The following RASAL2 variants were observed in gnomAD, a reference collection of about 807,000 sequenced individuals.
RASAL2 encodes RAS protein activator like 2, also known as ras GTPase-activating protein nGAP.
RASAL2 carries 58 observed loss-of-function variants against 128.9 expected under a neutral mutation model. The observed-to-expected ratio is 0.45, with a 90% CI of 0.36 to 0.56. The LOEUF is 0.56. Among genes scored for constraint, RASAL2 ranks in the 20% least tolerant of loss-of-function variants. RASAL2 has a pLI of 0.00. For missense variants in RASAL2, 1,360 were observed against 1,601.6 expected (o/e 0.85, Z 2.57); for synonymous variants, 561 against 580.8 (o/e 0.97, Z 0.49).
At chr1:178,335,650 G>C (rs1405746210) in intron 3 of RASAL2, among the ~76,000 whole-genome samples, 1 of 152,136 alleles carries the variant, frequency 6.6e-6, no homozygotes, top group Admixed American at 6.5e-5. Flanking sequence ...TACACACAAT[G>C]ATCATTTTCA....
chr1:178,240,464 C>T (rs1664450472), intron 1 of RASAL2, among the ~76,000 whole-genome samples: 1 of 151,756 alleles, frequency 6.6e-6, no homozygotes, highest in African/African-American at 2.4e-5. Flanking sequence ...TTATTTTTAT[C>T]CAGTTTTTTT....
rs148244230 is a variant in RASAL2 at position 178,426,962 on chromosome 1, A to G, written c.674+6342A>G. On this transcript the variant is annotated intron_variant, in intron 5 of 17. Coordinates refer to ENST00000367649, the MANE Select transcript of RASAL2 (RefSeq NM_170692.4). Reference sequence around the variant, plus strand: ...ACTAAGTCTGAGAGACCAGTTAACAAAAAGCTGTAAGAAGATATAATGAGG... The same window carrying G: ...ACTAAGTCTGAGAGACCAGTTAACAGAAAGCTGTAAGAAGATATAATGAGG... Among the ~76,000 whole-genome samples the G allele has an allele frequency of 5.6e-3, 851 of 152,268 alleles. 6 individuals carry two copies. Among genetic ancestry groups the G allele is most frequent in the African/African-American group, 0.019 (793 of 41,572 alleles).
chr1:178,419,277 T>G (rs1051955274), intron 4 of RASAL2, among the ~76,000 whole-genome samples: 2 of 152,114 alleles, frequency 1.3e-5, no homozygotes, highest in African/African-American at 4.8e-5. Flanking sequence ...TGTTTTATTT[T>G]ATTTATTTGT....
intron 3 of RASAL2, among the ~76,000 whole-genome samples, chr1:178,305,376 T>A (rs1173115054): frequency 6.6e-6 from 1 of 152,054 alleles, no homozygotes; most frequent in African/African-American, 2.4e-5. Context: ...ACTAGAGGAA[T>A]CACATTACCT....
At chr1:178,250,179 C>T (rs1351084686) in intron 1 of RASAL2, among the ~76,000 whole-genome samples, 5 of 152,164 alleles carry the variant, frequency 3.3e-5, no homozygotes, top group East Asian at 3.9e-4. Context: ...CGCCCACAGC[C>T]GCCCCTTCCC....
intron 1 of RASAL2, among the ~76,000 whole-genome samples, chr1:178,226,336 G>C (rs1352743000): frequency 6.6e-6 from 1 of 152,080 alleles, no homozygotes; most frequent in Non-Finnish European, 1.5e-5. Flanking sequence ...GCTTCTTGTT[G>C]TTCTGATTAA....
At chr1:178,198,994 G>GA (rs776407078) in intron 1 of RASAL2, among the ~76,000 whole-genome samples, 7 of 152,208 alleles carry the variant, frequency 4.6e-5, no homozygotes, top group Non-Finnish European at 8.8e-5. Context: ...GTTCCTGGCC[G>GA]CTTTGTTTAC....
At chr1:178,240,276 A>G (rs1182224794) in intron 1 of RASAL2, among the ~76,000 whole-genome samples, 1 of 152,080 alleles carries the variant, frequency 6.6e-6, no homozygotes, top group Admixed American at 6.6e-5. Flanking sequence ...TAGTCCCTAG[A>G]TGTAGACAGT....
rs568788102 is a variant in RASAL2, at chr1:178,112,099, C to G, written c.202+17405C>G. Among the ~76,000 whole-genome samples the G allele has an allele frequency of 4.1e-4, 62 of 152,114 alleles. 1 individual carries two copies. Among genetic ancestry groups the G allele is most frequent in the African/African-American group, 1.5e-3 (62 of 41,500 alleles). On this transcript the variant is annotated intron_variant, in intron 1 of 17. Transcript: ENST00000367649. ...AGTCCTCATATATTTTGGATATGTCCTTTGTCAGATATGTGATCTGTAATT... is the reference window on the plus strand; with the variant it reads ...AGTCCTCATATATTTTGGATATGTCGTTTGTCAGATATGTGATCTGTAATT...
At chr1:178,285,332 G>C (rs1666976055) in intron 2 of RASAL2, among the ~76,000 whole-genome samples, 1 of 151,378 alleles carries the variant, frequency 6.6e-6, no homozygotes, top group African/African-American at 2.4e-5. Flanking sequence ...TTGTTAGCCA[G>C]GATGGTCTCG....
chr1:178,303,101 C>A (rs1667839965), intron 3 of RASAL2, among the ~76,000 whole-genome samples: 2 of 151,906 alleles, frequency 1.3e-5, no homozygotes, highest in South Asian at 4.2e-4. Flanking sequence ...TGAAGTTATC[C>A]CATATATAAG....
intron 3 of RASAL2, among the ~76,000 whole-genome samples, chr1:178,349,757 A>T (rs1670360874): frequency 6.6e-6 from 1 of 152,174 alleles, no homozygotes; most frequent in Non-Finnish European, 1.5e-5. Flanking sequence ...AATTTTCCAT[A>T]CTTTGGCTTT....
At chr1:178,222,339 A>G (rs1177398517) in intron 1 of RASAL2, among the ~76,000 whole-genome samples, 4 of 151,726 alleles carry the variant, frequency 2.6e-5, no homozygotes, top group Admixed American at 1.3e-4. Flanking sequence ...CCCATTTTCT[A>G]CATTTTCTGG....
intron 1 of RASAL2, among the ~76,000 whole-genome samples, chr1:178,105,686 C>CT (rs71108025): frequency 0.015 from 2,064 of 140,674 alleles, 19 homozygotes; most frequent in Non-Finnish European, 0.023. Context: ...TTTTGGGGTT[C>CT]TTTTTTTTTT....
intron 1 of RASAL2, among the ~76,000 whole-genome samples, chr1:178,188,581 A>C (rs1261252646): frequency 1.3e-5 from 2 of 152,158 alleles, no homozygotes; most frequent in African/African-American, 4.8e-5. Context: ...TTACATCACC[A>C]AAAAGTCTGC....
intron 3 of RASAL2, among the ~76,000 whole-genome samples, chr1:178,374,977 A>C (rs1180691790): frequency 1.3e-5 from 2 of 152,182 alleles, no homozygotes; most frequent in East Asian, 3.8e-4. Context: ...AGAAAACATG[A>C]ACTACGCACA....
At chr1:178,385,178 G>A (rs1393695159) in intron 3 of RASAL2, among the ~76,000 whole-genome samples, 2 of 152,180 alleles carry the variant, frequency 1.3e-5, no homozygotes, top group African/African-American at 4.8e-5. Flanking sequence ...TTGACCTGGT[G>A]GAGTTGGCTC....
intron 2 of RASAL2, among the ~76,000 whole-genome samples, chr1:178,287,364 T>C (rs1667076540): frequency 6.6e-6 from 1 of 151,900 alleles, no homozygotes; most frequent in Non-Finnish European, 1.5e-5. Flanking sequence ...CTTCACATTC[T>C]ATCTGTGGTA....
chr1:178,244,275 C>G (rs1004640203), intron 1 of RASAL2, among the ~76,000 whole-genome samples: 4 of 152,018 alleles, frequency 2.6e-5, no homozygotes, highest in African/African-American at 9.7e-5. Flanking sequence ...AGGAGTCTCG[C>G]TCTGTCACCC....
Sources: allele counts gnomAD v4.1 joint callset (sites outside exome capture counted in the v4.1 genomes callset), GRCh38; gene constraint gnomAD v4.1.1; transcripts MANE v1.5; gene names NCBI Gene and HGNC (gene_info 2026-07-23, HGNC 2026-07-21).